Variants in FAM241A observed in about 807,000 individuals in gnomAD.
FAM241A encodes uncharacterized protein FAM241A.
A neutral mutation model predicts 12.2 loss-of-function variants in FAM241A; 7 were observed. That is an observed-to-expected ratio of 0.58 (90% CI 0.33 to 1.08). The LOEUF is 1.08. FAM241A is among the 50% of genes least tolerant of loss of function. The pLI is 0.04. For missense variants in FAM241A, 161 were observed against 169.7 expected (o/e 0.95, Z 0.29); for synonymous variants, 74 against 68.2 (o/e 1.08, Z -0.42).
chr4:112,158,893 A>C (rs1723406560), intron 1 of FAM241A, among the ~76,000 whole-genome samples: 2 of 152,084 alleles, frequency 1.3e-5, no homozygotes, highest in South Asian at 4.1e-4. Context: ...TATTGCTGTT[A>C]ACTGCAGTCA....
At chr4:112,153,638 C>T (rs1723291688) in intron 1 of FAM241A, among the ~76,000 whole-genome samples, 1 of 152,082 alleles carries the variant, frequency 6.6e-6, no homozygotes, top group Admixed American at 6.5e-5. Context: ...TGATCTTTTT[C>T]CCCATACCCA....
rs1444142151 is a variant in FAM241A, at chr4:112,195,233, C to G, written c.*8295C>G. 1 of 152,192 alleles carries G rather than the reference C, an allele frequency of 6.6e-6. No individual in the cohort carries two copies. The highest frequency in any genetic ancestry group is 1.5e-5 in the Non-Finnish European group (1 of 68,038). 9.4% of individuals were successfully genotyped at this position (152,192 alleles called of 1,614,324 possible). Reference sequence around the variant, plus strand: ...ACATGTATATACTTTGTTATTCTTTCTAATAAATAATACTCTTTTACAACT... The same window carrying G: ...ACATGTATATACTTTGTTATTCTTTGTAATAAATAATACTCTTTTACAACT... On this transcript the variant is annotated 3_prime_UTR_variant, in exon 2 of 2. Coordinates refer to ENST00000309733, the MANE Select transcript of FAM241A (RefSeq NM_152400.3).
At chr4:112,150,388 A>G (rs1031047399) in intron 1 of FAM241A, among the ~76,000 whole-genome samples, 6 of 152,204 alleles carry the variant, frequency 3.9e-5, no homozygotes, top group Admixed American at 6.5e-5. Flanking sequence ...TACTGGTACT[A>G]ATAAATACTA....
chr4:112,179,914 G>GATATATATATATATATAT (rs34513702), intron 1 of FAM241A, among the ~76,000 whole-genome samples: 23 of 117,746 alleles, frequency 2.0e-4, no homozygotes, highest in African/African-American at 3.8e-4. Context: ...AAGAAAATGT[G>GATATATATATATATATAT]ATATATATAT....
At chr4:112,173,433 G>A (rs191503202) in intron 1 of FAM241A, among the ~76,000 whole-genome samples, 1 of 152,096 alleles carries the variant, frequency 6.6e-6, no homozygotes, top group Non-Finnish European at 1.5e-5. Context: ...TGGGTTTCTG[G>A]TTAACTTTCT....
At chr4:112,147,179 A>G (rs34774559) in intron 1 of FAM241A, among the ~76,000 whole-genome samples, 4,502 of 152,326 alleles carry the variant, frequency 0.03, 182 homozygotes, top group East Asian at 0.16. Flanking sequence ...AAAATTGCTT[A>G]TGGTACAAAG....
At position 112,194,618 on chromosome 4, in the gene FAM241A, T is replaced by C. The variant is rs1202816977; in HGVS notation, c.*7680T>C. On this transcript the variant is annotated 3_prime_UTR_variant, in exon 2 of 2. Transcript: ENST00000309733. ...TCTATTGAGATAATCATGTGGTTTT[T>C]GTCTTTGGTTCTGTTTATATGCTGG... is the stretch of plus-strand genomic sequence containing the variant. The C allele has an allele frequency of 1.3e-5, 2 of 152,184 alleles. No individual in the cohort carries two copies. The highest frequency in any genetic ancestry group is 2.9e-5 in the Non-Finnish European group (2 of 68,044). 9.4% of individuals were successfully genotyped at this position (152,184 alleles called of 1,614,324 possible).
rs1336679823 is a variant in FAM241A at position 112,187,920 on chromosome 4, A to G, written c.*982A>G. 6.6e-6 allele frequency: 1 copy of G among 152,042 alleles called. No homozygotes were observed. The highest frequency in any genetic ancestry group is 2.4e-5 in the African/African-American group (1 of 41,426). 9.4% of individuals were successfully genotyped at this position (152,042 alleles called of 1,614,324 possible). On this transcript the variant is annotated 3_prime_UTR_variant, in exon 2 of 2. Transcript: ENST00000309733. Reference sequence around the variant, plus strand: ...AAAAAAATCAGATCATTTTTCTTTGATATCTATATCAGAAAGGTACAATAT... The same window carrying G: ...AAAAAAATCAGATCATTTTTCTTTGGTATCTATATCAGAAAGGTACAATAT...
chr4:112,151,903 T>G (rs1723252312), intron 1 of FAM241A, among the ~76,000 whole-genome samples: 1 of 152,178 alleles, frequency 6.6e-6, no homozygotes, highest in Non-Finnish European at 1.5e-5. Context: ...GCACATTACA[T>G]GATGGAAAAA....
At position 112,176,538 on chromosome 4, in the gene FAM241A, G is replaced by A. The variant is rs529386916; in HGVS notation, c.154-10155G>A. Among the ~76,000 whole-genome samples the A allele has an allele frequency of 4.5e-4, 68 of 152,252 alleles. 1 individual carries two copies. Among genetic ancestry groups the A allele is most frequent in the African/African-American group, 1.6e-3 (65 of 41,548 alleles). The stretch of plus-strand genomic sequence containing the variant: ...GAAAGCCTTGGTTTTTTGTTAATGG[G>A]CTATGGGACTTAACCTCTTCATTCC... On this transcript the variant is annotated intron_variant, in intron 1 of 1. Transcript: ENST00000309733.
intron 1 of FAM241A, among the ~76,000 whole-genome samples, chr4:112,159,862 A>G (rs1469758992): frequency 1.3e-5 from 2 of 152,228 alleles, no homozygotes. Context: ...TCTAAGATCT[A>G]GAACATGAGA....
intron 1 of FAM241A, among the ~76,000 whole-genome samples, chr4:112,161,412 A>G (rs1404785190): frequency 2.0e-5 from 3 of 152,210 alleles, no homozygotes; most frequent in Non-Finnish European, 2.9e-5. Flanking sequence ...ATAGACTGCT[A>G]GCAAGACCAA....
chr4:112,179,983 A>G (rs1340666300), intron 1 of FAM241A, among the ~76,000 whole-genome samples: 4 of 135,762 alleles, frequency 2.9e-5, no homozygotes, highest in Non-Finnish European at 6.2e-5. Context: ...CACATATATT[A>G]CATAATGTAT....
At chr4:112,184,800 A>G (rs183877166) in intron 1 of FAM241A, among the ~76,000 whole-genome samples, 2 of 152,340 alleles carry the variant, frequency 1.3e-5, no homozygotes, top group Admixed American at 1.3e-4. Flanking sequence ...CTATGTGTAC[A>G]ATAGAAAATA....
chr4:112,181,582 A>G (rs1301789809), intron 1 of FAM241A, among the ~76,000 whole-genome samples: 1 of 152,242 alleles, frequency 6.6e-6, no homozygotes, highest in Admixed American at 6.5e-5. Context: ...ACACATTGGC[A>G]TTGAGTCAGA....
intron 1 of FAM241A, among the ~76,000 whole-genome samples, chr4:112,159,554 C>T (rs1723418938): frequency 6.6e-6 from 1 of 152,080 alleles, no homozygotes; most frequent in African/African-American, 2.4e-5. Context: ...AAACCAAATT[C>T]AACAATATAC....
At chr4:112,170,468 GTCTC>G (rs545443364) in intron 1 of FAM241A, among the ~76,000 whole-genome samples, 10 of 152,148 alleles carry the variant, frequency 6.6e-5, no homozygotes, top group Admixed American at 3.3e-4. Context: ...TATGAATGTG[GTCTC>G]TCTTTCTCTC....
At chr4:112,164,131 G>A (rs1046444441) in intron 1 of FAM241A, among the ~76,000 whole-genome samples, 6 of 150,324 alleles carry the variant, frequency 4.0e-5, no homozygotes, top group African/African-American at 1.5e-4. Flanking sequence ...GGGGGAAGGG[G>A]AAGGGATAGC....
intron 1 of FAM241A, among the ~76,000 whole-genome samples, chr4:112,164,593 A>G (rs569027784): frequency 1.3e-4 from 20 of 152,334 alleles, no homozygotes; most frequent in African/African-American, 4.8e-4. Context: ...AACTTAAAGT[A>G]TAATAATTTT....
Sources: allele counts gnomAD v4.1 joint callset (sites outside exome capture counted in the v4.1 genomes callset), GRCh38; gene constraint gnomAD v4.1.1; transcripts MANE v1.5; gene names NCBI Gene and HGNC (gene_info 2026-07-23, HGNC 2026-07-21).